PTER: variants seen among roughly 807,000 people sequenced by gnomAD.
The protein encoded by PTER is N-acetyltaurine hydrolase.
In PTER, 38 loss-of-function variants were observed where a neutral mutation model predicts 29.6. That is an observed-to-expected ratio of 1.28 (90% confidence interval 0.99 to 1.68). PTER has a LOEUF of 1.68. PTER is among the 40% of genes most tolerant of loss of function. The probability of loss-of-function intolerance (pLI) is 0.00; values close to 1 mark genes in which losing one functional copy is unlikely to be tolerated. For missense variants in PTER, 482 were observed against 427.8 expected, an observed-to-expected ratio of 1.13 and a Z score of -1.12; for synonymous variants, 172 against 154.5, an observed-to-expected ratio of 1.11 and a Z score of -0.84.
At chr10:16,472,770 A>G (rs932242761) in intron 1 of PTER, among the ~76,000 whole-genome samples, 1 of 152,268 alleles carries the variant, frequency 6.6e-6, no homozygotes, top group Non-Finnish European at 1.5e-5. Flanking sequence ...AAATTTGAAC[A>G]GTTTTCTATT....
At chr10:16,449,470 C>A (rs1334847854) in intron 1 of PTER, among the ~76,000 whole-genome samples, 1 of 135,282 alleles carries the variant, frequency 7.4e-6, no homozygotes, top group African/African-American at 2.9e-5. Flanking sequence ...CTCACTCACT[C>A]CGTCGCCCAG....
At chr10:16,498,855 T>A (rs1836220931) in intron 3 of PTER, among the ~76,000 whole-genome samples, 1 of 152,224 alleles carries the variant, frequency 6.6e-6, no homozygotes, top group South Asian at 2.1e-4. Context: ...GCTTTGGCAG[T>A]CCCTGGAAGC....
chr10:16,495,729 C>G (rs1296748017), intron 3 of PTER, among the ~76,000 whole-genome samples: 2 of 152,234 alleles, frequency 1.3e-5, no homozygotes, highest in East Asian at 3.9e-4. Context: ...AAGGAATTCA[C>G]AGAGTCAAAT....
intron 1 of PTER, among the ~76,000 whole-genome samples, chr10:16,440,346 C>T (rs549090470): frequency 3.9e-5 from 6 of 151,984 alleles, no homozygotes; most frequent in Admixed American, 2.0e-4. Flanking sequence ...CCACCACGCC[C>T]GGCCCTTAAT....
chr10:16,460,852 G>A (rs1035293632), intron 1 of PTER, among the ~76,000 whole-genome samples: 17 of 152,052 alleles, frequency 1.1e-4, no homozygotes, highest in Admixed American at 2.0e-4. Context: ...AATTAGCGGG[G>A]ATTACAGGCA....
rs760084774 is a variant in PTER, at chr10:16,484,618, A to T, written c.234A>T (p.Glu78Asp). 9 of 1,614,078 alleles carry T rather than the reference A, an allele frequency of 5.6e-6. No individual in the cohort carries two copies. The African/African-American group carries it at 1.2e-4, about 22-fold the overall frequency. Residue 78 changes from glutamate (E) to aspartate (D), a missense_variant, in exon 2 of 5, where the codon GAA becomes GAT. Transcript: ENST00000535784. ...ACCTTCAATTAAATCAGGAGACAGA[A>T]GCCATAAAGGAAGAACTGTTGTATT... ...KENLQLNQETEAIKEELLYFK... is the reference protein window; with the variant it reads ...KENLQLNQETDAIKEELLYFK...
intron 3 of PTER, among the ~76,000 whole-genome samples, chr10:16,494,532 T>C (rs935602996): frequency 1.3e-5 from 2 of 152,208 alleles, no homozygotes; most frequent in African/African-American, 4.8e-5. Flanking sequence ...TATTGTTCAA[T>C]GAAAGTCATG....
intron 1 of PTER, among the ~76,000 whole-genome samples, chr10:16,457,244 A>G (rs1211358920): frequency 7.3e-5 from 11 of 151,702 alleles, no homozygotes; most frequent in African/African-American, 1.9e-4. Flanking sequence ...ATGGAGTCTC[A>G]CTCTGTTGCC....
At chr10:16,471,389 C>G (rs1424781569) in intron 1 of PTER, among the ~76,000 whole-genome samples, 1 of 152,088 alleles carries the variant, frequency 6.6e-6, no homozygotes, top group Non-Finnish European at 1.5e-5. Context: ...TTGATCTTTT[C>G]CCATTTTACT....
chr10:16,462,705 G>A (rs1257216923), intron 1 of PTER, among the ~76,000 whole-genome samples: 1 of 151,606 alleles, frequency 6.6e-6, no homozygotes, highest in Non-Finnish European at 1.5e-5. Context: ...TGAGTAGCTG[G>A]GATTACAAGC....
At chr10:16,517,864 T>C (rs992466165), downstream of PTER, among the ~76,000 whole-genome samples, 33 of 152,210 alleles carry the variant, frequency 2.2e-4, 2 homozygotes, top group Admixed American at 1.9e-3. Flanking sequence ...AACAAAAGGT[T>C]AAGTGGCACA....
At chr10:16,480,608 G>A (rs1835444447) in intron 1 of PTER, among the ~76,000 whole-genome samples, 1 of 152,146 alleles carries the variant, frequency 6.6e-6, no homozygotes, top group Admixed American at 6.6e-5. Context: ...AATAAGGACA[G>A]TGTATTTCAG....
At position 16,456,861 on chromosome 10, in the gene PTER, G is replaced by GCCC. The variant is rs1564388335; in HGVS notation, c.-49+19814_-49+19815insCCC. Among the ~76,000 whole-genome samples the GCCC allele has an allele frequency of 1.9e-4, 22 of 115,956 alleles. 1 individual carries two copies. Among genetic ancestry groups the GCCC allele is most frequent in the African/African-American group, 8.7e-4 (22 of 25,204 alleles). The allele number at this position is 115,956 out of a possible 152,430, so 76.1% of individuals were successfully genotyped here. A position where few individuals can be genotyped will look rare whatever the true frequency, so the allele number is the denominator to read the frequency against. On this transcript the variant is annotated intron_variant, in intron 1 of 4. Coordinates refer to ENST00000535784, the MANE Select transcript of PTER (RefSeq NM_001261836.2). ...GGGAGGTAACTGAACCATGGGGAAG[G>GCCC]TGGGGGGGGGTTCCGCCATGCTGTT...
intron 3 of PTER, among the ~76,000 whole-genome samples, chr10:16,499,072 C>A (rs757092507): frequency 1.3e-5 from 2 of 152,094 alleles, no homozygotes; most frequent in Non-Finnish European, 2.9e-5. Flanking sequence ...AACACAAAAG[C>A]AGTTTGGGTT....
intron 2 of PTER, among the ~76,000 whole-genome samples, chr10:16,485,974 G>A (rs950667442): frequency 3.3e-5 from 5 of 151,982 alleles, no homozygotes; most frequent in Admixed American, 6.6e-5. Context: ...CTTGATACAC[G>A]GGACATAGAT....
chr10:16,488,038 A>T lies in PTER; in HGVS notation c.698+1421A>T, dbSNP rs185598257. 3.0e-4 allele frequency among the ~76,000 whole-genome samples: 45 copies of T among 152,348 alleles called. No homozygotes were observed. In the Middle Eastern group the frequency reaches 0.02, roughly 69 times the overall value. ...TACTGTGAAATCATGTGCAGGAAAT[A>T]TAAACAAGTTGTAGTTATAGCAGAA... On this transcript the variant is annotated intron_variant, in intron 3 of 4. Transcript: ENST00000535784.
At chr10:16,458,852 A>G (rs1834504698) in intron 1 of PTER, among the ~76,000 whole-genome samples, 1 of 152,152 alleles carries the variant, frequency 6.6e-6, no homozygotes, top group Non-Finnish European at 1.5e-5. Context: ...AACCACTAAC[A>G]TTGACAGCCT....
chr10:16,484,783 C>A lies in PTER; in HGVS notation c.399C>A (p.His133Gln). 1 of 1,612,506 alleles carries A rather than the reference C, an allele frequency of 6.2e-7. No homozygotes were observed. Among genetic ancestry groups the A allele is most frequent in the Admixed American group, 1.7e-5 (1 of 59,738 alleles). ...SGAGFYVDAT[H>Q]SSETRAMSVE... ...CCGGGTTTTATGTGGATGCAACTCA[C>A]TCCTCAGAGACCAGGGCCATGTCAG... Residue 133 changes from histidine to glutamine, a missense_variant, in exon 2 of 5, where the codon CAC becomes CAA. His to Gln is a conservative substitution (Grantham distance 24). Transcript: ENST00000535784.
intron 1 of PTER, among the ~76,000 whole-genome samples, chr10:16,469,119 AAGAGTGCTGAAGGCCGAGT>A (rs1327161847): frequency 6.6e-6 from 1 of 152,194 alleles, no homozygotes; most frequent in Non-Finnish European, 1.5e-5. Context: ...TCTAGTTAGG[AAGAGTGCTGAAGGCCGAGT>A]AGAAGTTGGC....
Sources: gnomAD v4.1 joint callset for allele counts (sites outside exome capture counted in the v4.1 genomes callset) on GRCh38, gnomAD v4.1.1 for gene constraint, MANE v1.5 for transcripts, NCBI Gene and HGNC (gene_info 2026-07-23, HGNC 2026-07-21) for gene names.